Variants in SH2D4B observed in about 807,000 individuals in gnomAD.
The protein encoded by SH2D4B is SH2 domain containing 4B.
SH2D4B carries 45 observed loss-of-function variants against 61.5 expected under a neutral mutation model. The observed-to-expected ratio is 0.73, with a 90% confidence interval of 0.58 to 0.94. The LOEUF (loss-of-function observed/expected upper bound fraction) is 0.94, where lower values mean the gene tolerates loss of function less well. SH2D4B is among the 40% of genes least tolerant of loss of function. SH2D4B has a pLI of 0.00. For synonymous variants in SH2D4B, 224 were observed against 220.4 expected (o/e 1.02, Z -0.14); for missense variants, 572 against 574.2 (o/e 1.00, Z 0.04).
chr10:80,600,779 G>A (rs938340721), intron 4 of SH2D4B, among the ~76,000 whole-genome samples: 3 of 152,102 alleles, frequency 2.0e-5, no homozygotes, highest in Non-Finnish European at 2.9e-5. Context: ...CCAAAAACCC[G>A]GCTCCCTAGT....
intron 6 of SH2D4B, among the ~76,000 whole-genome samples, chr10:80,622,709 G>T (rs1469248683): frequency 6.6e-6 from 1 of 152,154 alleles, no homozygotes; most frequent in East Asian, 1.9e-4. Context: ...ACTCTCAGTT[G>T]GTCTCCTGCT....
At chr10:80,569,960 C>T (rs1394847251) in intron 1 of SH2D4B, among the ~76,000 whole-genome samples, 194 bp from the exon 2 acceptor site, 2 of 152,056 alleles carry the variant, frequency 1.3e-5, no homozygotes, top group African/African-American at 2.4e-5. Context: ...GTGGCTGTTG[C>T]GTTTCTCCCT....
chr10:80,560,750 T>C (rs184132970), intron 1 of SH2D4B, among the ~76,000 whole-genome samples: 17 of 139,340 alleles, frequency 1.2e-4, no homozygotes, highest in African/African-American at 4.0e-4. Context: ...TAAGCTCTGA[T>C]ACACTGGTGG....
At chr10:80,619,995 G>A (rs1842700408) in intron 6 of SH2D4B, among the ~76,000 whole-genome samples, 1 of 152,168 alleles carries the variant, frequency 6.6e-6, no homozygotes, top group Non-Finnish European at 1.5e-5. Flanking sequence ...GTTAGGACTT[G>A]GAAATGATAT....
rs561038575 is a variant in SH2D4B at position 80,607,104 on chromosome 10, G to A, written c.861-2320G>A. On this transcript the variant is annotated intron_variant, in intron 5 of 7. Coordinates refer to ENST00000646907, the MANE Select transcript of SH2D4B (RefSeq NM_001388272.1). ...TATAAATGTAGCATTTATATTCTGG[G>A]GGAGTCAGATTCCCTGCTTAGAAAC... Among the ~76,000 whole-genome samples, 3 of 152,302 alleles carry A rather than the reference G, an allele frequency of 2.0e-5. No homozygotes were observed. In the South Asian group the frequency reaches 6.2e-4, roughly 32 times the overall value.
intron 3 of SH2D4B, among the ~76,000 whole-genome samples, chr10:80,578,172 T>C (rs977267019): frequency 1.6e-4 from 24 of 152,284 alleles, no homozygotes; most frequent in Admixed American, 1.5e-3. Context: ...GGTTTTGCCA[T>C]GTTGCCCAGG....
intron 7 of SH2D4B, among the ~76,000 whole-genome samples, chr10:80,639,994 A>G (rs1043449160): frequency 6.6e-6 from 1 of 152,056 alleles, no homozygotes; most frequent in Non-Finnish European, 1.5e-5. Flanking sequence ...TGGTGACAAA[A>G]TCTCTCAGCA....
chr10:80,560,385 T>G (rs929940061), intron 1 of SH2D4B, among the ~76,000 whole-genome samples: 59 of 151,872 alleles, frequency 3.9e-4, no homozygotes, highest in African/African-American at 1.4e-3. Flanking sequence ...TTTTTTTTTT[T>G]GAGACAGAGT....
At chr10:80,627,678 G>A (rs1842779810) in intron 6 of SH2D4B, among the ~76,000 whole-genome samples, 1 of 121,108 alleles carries the variant, frequency 8.3e-6, no homozygotes, top group Non-Finnish European at 1.9e-5. Flanking sequence ...TCTGTCCAGA[G>A]TCAGAGCTTC....
chr10:80,613,336 G>A (rs569436669), intron 6 of SH2D4B, among the ~76,000 whole-genome samples: 1 of 152,202 alleles, frequency 6.6e-6, no homozygotes, highest in Non-Finnish European at 1.5e-5. Flanking sequence ...TTCAAAATTC[G>A]ACATGTATCT....
At chr10:80,594,436 C>T (rs1365446182) in intron 4 of SH2D4B, among the ~76,000 whole-genome samples, 1 of 152,066 alleles carries the variant, frequency 6.6e-6, no homozygotes, top group African/African-American at 2.4e-5. Flanking sequence ...AGATATTGGT[C>T]TGCAGTTTTA....
intron 1 of SH2D4B, among the ~76,000 whole-genome samples, chr10:80,551,815 G>A (rs1002399975): frequency 6.6e-6 from 1 of 152,176 alleles, no homozygotes; most frequent in Admixed American, 6.5e-5. Flanking sequence ...ATGGGGTGGT[G>A]GTGTCTTAGT....
intron 4 of SH2D4B, among the ~76,000 whole-genome samples, chr10:80,593,380 T>A (rs1418023961): frequency 6.6e-6 from 1 of 152,230 alleles, no homozygotes; most frequent in Non-Finnish European, 1.5e-5. Flanking sequence ...CTTTCAATAA[T>A]ATTTTATAGT....
intron 1 of SH2D4B, among the ~76,000 whole-genome samples, chr10:80,554,991 A>G (rs955630362): frequency 7.1e-6 from 1 of 140,954 alleles, no homozygotes; most frequent in Non-Finnish European, 1.5e-5. Context: ...CCTGGGCGAC[A>G]AGGCGAGTCT....
intron 6 of SH2D4B, among the ~76,000 whole-genome samples, chr10:80,628,551 G>A (rs1842790686): frequency 6.6e-6 from 1 of 152,182 alleles, no homozygotes. Flanking sequence ...AGGGCAAAGT[G>A]AATGGGGAAG....
intron 5 of SH2D4B, 77 bp downstream of exon 5, chr10:80,603,872 C>T (rs1564781048): frequency 2.3e-6 from 3 of 1,322,042 alleles, no homozygotes; most frequent in East Asian, 4.9e-5. Context: ...GTCCCCGTCC[C>T]GGGTCTGCCC....
chr10:80,602,773 G>A (rs773666573), intron 4 of SH2D4B, among the ~76,000 whole-genome samples: 10 of 152,238 alleles, frequency 6.6e-5, no homozygotes, highest in Non-Finnish European at 1.5e-4. Context: ...AATAACATGA[G>A]GAGGTTGGGC....
At chr10:80,616,076 AAAAG>A (rs1321125533) in intron 6 of SH2D4B, among the ~76,000 whole-genome samples, 1 of 152,162 alleles carries the variant, frequency 6.6e-6, no homozygotes, top group Non-Finnish European at 1.5e-5. Flanking sequence ...ACCTGTGCAC[AAAAG>A]AAAGATGACA....
At position 80,540,793 on chromosome 10, in the gene SH2D4B, C is replaced by T. The variant is rs900026378; in HGVS notation, c.184+2278C>T. The T allele has an allele frequency of 1.6e-5, 24 of 1,543,840 alleles. No homozygotes were observed. In the African/African-American group the frequency reaches 2.1e-4, roughly 13 times the overall value. On this transcript the variant is annotated intron_variant, in intron 1 of 7. Coordinates refer to ENST00000646907, the MANE Select transcript of SH2D4B (RefSeq NM_001388272.1). ...TGGATCATAGGGAACACAGCCAACTCGAGTGCCAAGGGTGAGGCTTGGTTC... is the reference window on the plus strand; with the variant it reads ...TGGATCATAGGGAACACAGCCAACTTGAGTGCCAAGGGTGAGGCTTGGTTC...
Sources: gnomAD v4.1 joint callset for allele counts (sites outside exome capture counted in the v4.1 genomes callset) on GRCh38, gnomAD v4.1.1 for gene constraint, MANE v1.5 for transcripts, NCBI Gene and HGNC (gene_info 2026-07-23, HGNC 2026-07-21) for gene names.